Variants in OTOG observed in about 807,000 individuals in gnomAD.
OTOG encodes otogelin.
OTOG carries 296 observed loss-of-function variants against 313.8 expected under a neutral mutation model. That is an observed-to-expected ratio of 0.94 (90% CI 0.86 to 1.04). The LOEUF is 1.04. OTOG is among the 50% of genes least tolerant of loss of function. The probability of loss-of-function intolerance (pLI) is 0.00; values close to 1 mark genes in which losing one functional copy is unlikely to be tolerated. For synonymous variants in OTOG, 1,533 were observed against 1,554.9 expected (o/e 0.99, Z 0.33); for missense variants, 3,948 against 3,840.1 (o/e 1.03, Z -0.74).
chr11:17,576,485 TC>T (rs1852529156), intron 20 of OTOG, 70 bp from the exon 21 acceptor site: 4 of 1,281,338 alleles, frequency 3.1e-6, no homozygotes, highest in Middle Eastern at 1.8e-4. Context: ...GAGGGTGGGG[TC>T]CCTGTCCTTG....
chr11:17,612,016 GT>G, intron 36 of OTOG, 145 bp from the exon 37 acceptor site: 2 of 965,850 alleles, frequency 2.1e-6, no homozygotes, highest in Non-Finnish European at 3.1e-6. Flanking sequence ...ATGGCTTGTG[GT>G]GGGTAGGGGG....
chr11:17,572,368 C>T (rs865800712), intron 18 of OTOG, among the ~76,000 whole-genome samples, 164 bp downstream of exon 18: 4 of 152,294 alleles, frequency 2.6e-5, no homozygotes, highest in Middle Eastern at 3.4e-3. Context: ...CAGTGAGGGC[C>T]AGGCAGGCAG....
At chr11:17,639,612 C>T (rs1847925516) in intron 49 of OTOG, 149 bp downstream of exon 49, 9 of 761,880 alleles carry the variant, frequency 1.2e-5, no homozygotes, top group Non-Finnish European at 2.0e-5. Flanking sequence ...CTGCCACTGG[C>T]TTTCTGGGTA....
intron 15 of OTOG, among the ~76,000 whole-genome samples, chr11:17,562,100 A>C (rs565613081): frequency 4.7e-5 from 7 of 148,032 alleles, no homozygotes; most frequent in Non-Finnish European, 8.9e-5. Flanking sequence ...TAACACTGGC[A>C]CCTACTTTTA....
rs1415009104 is a variant in OTOG at position 17,605,989 on chromosome 11, A to G, written c.4010A>G (p.His1337Arg). Residue 1337 changes from histidine to arginine, a missense_variant, in exon 33 of 56, where the codon CAC (histidine) becomes CGC (arginine). Physicochemically the swap from His to Arg is conservative, Grantham distance 29. Coordinates refer to ENST00000399397, the MANE Select transcript of OTOG (RefSeq NM_001292063.2). ...TFQQHASFLL[H>R]RGTRQAGLVA... ...CAACAGCATGCCTCCTTCTTGCTGC[A>G]CCGGGGGACACGGCAGGCAGGCCTG... is the stretch of plus-strand genomic sequence containing the variant. 1 of 1,550,552 alleles carries G rather than the reference A, an allele frequency of 6.4e-7. No homozygotes were observed. The highest frequency in any genetic ancestry group is 2.4e-5 in the East Asian group (1 of 40,900).
At position 17,631,684 on chromosome 11, in the gene OTOG, T is replaced by G; in HGVS notation, c.6713-18T>G. 6.5e-7 allele frequency: 1 copy of G among 1,539,844 alleles called. No individual in the cohort carries two copies. Among genetic ancestry groups the G allele is most frequent in the Non-Finnish European group, 8.8e-7 (1 of 1,137,828 alleles). On this transcript the variant is annotated intron_variant, in intron 40 of 55. Coordinates refer to ENST00000399397, the MANE Select transcript of OTOG (RefSeq NM_001292063.2). Reference sequence around the variant, plus strand: ...GTAGTGATGATCGTGGCTGTTGGGATTGTTTGGCCCCTTTCAGGTATCTGT... The same window carrying G: ...GTAGTGATGATCGTGGCTGTTGGGAGTGTTTGGCCCCTTTCAGGTATCTGT...
intron 17 of OTOG, among the ~76,000 whole-genome samples, chr11:17,570,765 A>C (rs1330652449): frequency 6.6e-6 from 1 of 152,200 alleles, no homozygotes; most frequent in Non-Finnish European, 1.5e-5. Flanking sequence ...CCTCAGACTG[A>C]CTGATTTGGC....
chr11:17,592,393 A>C (rs549247925), intron 25 of OTOG, among the ~76,000 whole-genome samples: 2 of 152,338 alleles, frequency 1.3e-5, no homozygotes, highest in African/African-American at 4.8e-5. Context: ...GATGAAGATA[A>C]TTGACCTCAT....
Position 17,611,116 on chromosome 11 carries a change from G to C in OTOG, c.5816G>C (p.Ser1939Thr). 1.3e-6 allele frequency: 2 copies of C among 1,550,524 alleles called. No individual in the cohort carries two copies. Among genetic ancestry groups the C allele is most frequent in the Non-Finnish European group, 1.7e-6 (2 of 1,146,944 alleles). The change falls in exon 36 of 56, where the codon AGC becomes ACC. Residue 1939 changes from serine to threonine, a missense_variant. Ser to Thr is a moderately conservative substitution (Grantham distance 58). Transcript: ENST00000399397. ...GGPTELTPAT[S>T]HPLTPLVAEP... ...CCCACAGAGCTCACGCCTGCTACGA[G>C]CCACCCTCTCACGCCCTTGGTGGCT... is the stretch of plus-strand genomic sequence containing the variant.
At chr11:17,569,066 T>A in intron 15 of OTOG, 90 bp from the exon 16 acceptor site, 1 of 1,419,670 alleles carries the variant, frequency 7.0e-7, no homozygotes, top group Non-Finnish European at 9.6e-7. Context: ...TCTCTCAAGC[T>A]GGGCTGGGGT....
chr11:17,582,995 A>G (rs973014377), intron 23 of OTOG, among the ~76,000 whole-genome samples: 24 of 151,944 alleles, frequency 1.6e-4, no homozygotes, highest in Admixed American at 1.2e-3. Flanking sequence ...TTTTTCTTTT[A>G]AAAATCTCCT....
At chr11:17,643,243 C>T (rs1848009911) in intron 53 of OTOG, among the ~76,000 whole-genome samples, 2 of 152,230 alleles carry the variant, frequency 1.3e-5, no homozygotes, top group African/African-American at 4.8e-5. Context: ...ACCATCTTGA[C>T]CCAGGCTCCT....
intron 22 of OTOG, chr11:17,578,157 G>A (rs1347118221): frequency 2.9e-6 from 3 of 1,048,126 alleles, no homozygotes; most frequent in Non-Finnish European, 3.7e-6. Flanking sequence ...GCAGAGATGG[G>A]TCCTGGTGGC....
intron 29 of OTOG, 64 bp downstream of exon 29, chr11:17,596,218 C>A: frequency 8.7e-7 from 1 of 1,149,308 alleles, no homozygotes; most frequent in African/African-American, 1.5e-5. Context: ...ATCCCTTCAG[C>A]TCTCAGACTC....
At chr11:17,628,446 C>G (rs1854037359) in intron 39 of OTOG, among the ~76,000 whole-genome samples, 1 of 152,042 alleles carries the variant, frequency 6.6e-6, no homozygotes, top group South Asian at 2.1e-4. Context: ...TGTAATAACC[C>G]ATGGTACATC....
chr11:17,623,946 T>A lies in OTOG; in HGVS notation c.6529-5187T>A, dbSNP rs560412923. On this transcript the variant is annotated intron_variant, in intron 39 of 55. Transcript: ENST00000399397. ...GCTTATTGGCTGAATGTATGTCTTC[T>A]CTTGAGAAGTGTCTGTTCATGTCCT... Among the ~76,000 whole-genome samples, 7 of 152,378 alleles carry A rather than the reference T, an allele frequency of 4.6e-5. No individual in the cohort carries two copies. The South Asian group carries it at 1.4e-3, about 32-fold the overall frequency.
Position 17,547,453 on chromosome 11 carries a change from G to A in OTOG, c.81G>A (p.Arg27=). The A allele has an allele frequency of 2.2e-6, 3 of 1,378,830 alleles. No individual in the cohort carries two copies. Among genetic ancestry groups the A allele is most frequent in the Admixed American group, 3.3e-5 (1 of 30,490 alleles). 85.4% of individuals were successfully genotyped at this position (1,378,830 alleles called of 1,614,324 possible). ...GTGAGCAGGCAGCCGAGTCCCTGCG[G>A]GTGCAGCGCCTCGGTGAGAGGGTTG... The part of the protein sequence containing the change: ...PWGEQAAESL[R]VQRLAAAPVL... The change falls in exon 1 of 56, where the codon CGG becomes CGA. Residue 27 remains arginine (R), a synonymous_variant. Coordinates refer to ENST00000399397, the MANE Select transcript of OTOG (RefSeq NM_001292063.2).
chr11:17,555,619 T>A (rs1418380093), intron 6 of OTOG, 160 bp from the exon 7 acceptor site: 1 of 579,564 alleles, frequency 1.7e-6, no homozygotes, highest in Non-Finnish European at 3.1e-6. Flanking sequence ...ATCCATTGCC[T>A]CCCCTCTGTG....
rs1184454028 is a variant in OTOG, at chr11:17,570,246, TC to T, written c.1813del (p.Leu605CysfsTer3). On this transcript the variant is annotated frameshift_variant, in exon 17 of 56. Coordinates refer to ENST00000399397, the MANE Select transcript of OTOG (RefSeq NM_001292063.2). LOFTEE classifies it high-confidence loss of function. ...AFEIRRLSSV[F>X]LRVRTNVGVR... ...GAGATCCGTAGGCTGTCCTCCGTGTTCCTGCGGGTGAGGACGAACGTGGGCG... is the reference window on the plus strand; with the variant it reads ...GAGATCCGTAGGCTGTCCTCCGTGTTCTGCGGGTGAGGACGAACGTGGGCG... 1 of 1,550,874 alleles carries T rather than the reference TC, an allele frequency of 6.4e-7. No individual in the cohort carries two copies. The highest frequency in any genetic ancestry group is 1.2e-5 in the South Asian group (1 of 84,058).
Sources: allele counts gnomAD v4.1 joint callset (sites outside exome capture counted in the v4.1 genomes callset), GRCh38; gene constraint gnomAD v4.1.1; transcripts MANE v1.5; gene names NCBI Gene and HGNC (gene_info 2026-07-23, HGNC 2026-07-21).